Variants in RYR2 observed in about 807,000 individuals in gnomAD.
RYR2 encodes the protein cardiac muscle ryanodine receptor-calcium release channel.
RYR2 carries 227 observed loss-of-function variants against 601.1 expected under a neutral mutation model. That is an observed-to-expected ratio of 0.38 (90% CI 0.34 to 0.42). The LOEUF (loss-of-function observed/expected upper bound fraction) is 0.42. RYR2 is among the 10% of genes least tolerant of loss of function. The pLI is 1.00. For synonymous variants in RYR2, 2,223 were observed against 2,175.1 expected (o/e 1.02, Z -0.61); for missense variants, 4,646 against 6,156.5 (o/e 0.75, Z 8.21).
In RYR2 at chr1:237,542,921, A is replaced by AG. The variant is rs148112154; in HGVS notation, c.2907-5508dup. Among the ~76,000 whole-genome samples the AG allele has an allele frequency of 4.3e-3, 662 of 152,292 alleles. 14 individuals carry two copies. In the East Asian group the frequency reaches 0.079, roughly 18 times the overall value. ...TCTATCTGGTCCTCACTTGGGCAGA[A>AG]GGCTGGGGAGAACTTGCCTCCTCTG... is the stretch of plus-strand genomic sequence containing the variant. On this transcript the variant is annotated intron_variant, in intron 25 of 104. Transcript: ENST00000366574.
intron 24 of RYR2, among the ~76,000 whole-genome samples, chr1:237,512,221 T>C (rs999898325): frequency 1.3e-5 from 2 of 152,206 alleles, no homozygotes; most frequent in Non-Finnish European, 2.9e-5. Context: ...ATATTGAATC[T>C]AATGATTTAA....
chr1:237,646,720 T>C (rs1682199663), intron 48 of RYR2, among the ~76,000 whole-genome samples: 1 of 152,150 alleles, frequency 6.6e-6, no homozygotes, highest in Admixed American at 6.5e-5. Context: ...AACAAGCACA[T>C]AATCTTGCAG....
chr1:237,584,714 A>G (rs548091589), intron 29 of RYR2, among the ~76,000 whole-genome samples: 8 of 128,672 alleles, frequency 6.2e-5, no homozygotes, highest in African/African-American at 2.4e-4. Flanking sequence ...AGTCTAGAGT[A>G]GTGTGGAGTG....
chr1:237,593,556 G>T lies in RYR2; in HGVS notation c.4356G>T (p.Gln1452His). 1.2e-6 allele frequency: 2 copies of T among 1,613,906 alleles called. No homozygotes were observed. Among genetic ancestry groups the T allele is most frequent in the South Asian group, 2.2e-5 (2 of 91,076 alleles). The change falls in exon 33 of 105, where the codon CAG becomes CAT. Residue 1452 changes from glutamine (Q) to histidine (H), a missense_variant. Around this residue, in one of 17 missense-constraint regions of RYR2, gnomAD observed 1,807 missense variants for 2,088.1 expected, o/e 0.87. Coordinates refer to ENST00000366574, the MANE Select transcript of RYR2 (RefSeq NM_001035.3). ...GCTGGATTACATCAGATTTCCATCA[G>T]TATGACACAGGCTTTGACTTGGACA... ...WVGWITSDFH[Q>H]YDTGFDLDRV... is the part of the protein sequence containing the mutation.
At chr1:237,547,098 T>C (rs1669907117) in intron 25 of RYR2, among the ~76,000 whole-genome samples, 1 of 151,014 alleles carries the variant, frequency 6.6e-6, no homozygotes, top group Non-Finnish European at 1.5e-5. Flanking sequence ...CTCTGCCTCT[T>C]GGGTTTAAGC....
intron 1 of RYR2, among the ~76,000 whole-genome samples, chr1:237,162,693 G>A (rs941191502): frequency 6.6e-6 from 1 of 152,042 alleles, no homozygotes; most frequent in Non-Finnish European, 1.5e-5. Context: ...ATTTTGAGCT[G>A]GTTATTTTGA....
intron 16 of RYR2, among the ~76,000 whole-genome samples, chr1:237,467,175 ATATATAT>A (rs1375823626): frequency 6.8e-6 from 1 of 147,820 alleles, no homozygotes; most frequent in Non-Finnish European, 1.5e-5. Context: ...TATGATAATG[ATATATAT>A]TATATATATA....
chr1:237,786,391 C>G (rs1407017764), intron 91 of RYR2, among the ~76,000 whole-genome samples: 1 of 152,224 alleles, frequency 6.6e-6, no homozygotes, highest in African/African-American at 2.4e-5. Flanking sequence ...TCTTTCTGTC[C>G]TTTCCAAGAA....
At chr1:237,550,977 C>T (rs1670326487) in intron 27 of RYR2, among the ~76,000 whole-genome samples, 1 of 152,104 alleles carries the variant, frequency 6.6e-6, no homozygotes, top group African/African-American at 2.4e-5. Context: ...TGGGCTCCTC[C>T]CCTAGCCCAC....
intron 23 of RYR2, among the ~76,000 whole-genome samples, chr1:237,510,891 A>G (rs531380463): frequency 1.1e-4 from 17 of 152,374 alleles, no homozygotes; most frequent in African/African-American, 4.1e-4. Flanking sequence ...AAGAATTAAT[A>G]TAAAAACCAC....
intron 16 of RYR2, among the ~76,000 whole-genome samples, chr1:237,464,171 A>G (rs939026188): frequency 1.3e-5 from 2 of 152,258 alleles, no homozygotes; most frequent in South Asian, 2.1e-4. Context: ...AGATTTGCTC[A>G]TCTTGCTCCA....
rs749474378 is a variant in RYR2 at position 237,639,169 on chromosome 1, T to G, written c.7083T>G (p.Gly2361=). The change falls in exon 46 of 105, where the codon GGT becomes GGG. Residue 2361 remains glycine (G), a synonymous_variant. Transcript: ENST00000366574. ...IKIAEDPSRD[G]PSPNSGSSKT... ...TCGCCGAGGATCCTTCCCGAGATGG[T>G]CCCTCACCAAATAGCGGATCCAGTA... 6.2e-7 allele frequency: 1 copy of G among 1,613,588 alleles called. No homozygotes were observed. Among genetic ancestry groups the G allele is most frequent in the Non-Finnish European group, 8.5e-7 (1 of 1,179,650 alleles).
intron 1 of RYR2, among the ~76,000 whole-genome samples, chr1:237,107,827 C>T (rs1305521394): frequency 6.6e-6 from 1 of 152,192 alleles, no homozygotes; most frequent in African/African-American, 2.4e-5. Context: ...ACACGTGTGG[C>T]ATCCACCTCC....
intron 1 of RYR2, among the ~76,000 whole-genome samples, chr1:237,178,704 A>G (rs1678360605): frequency 6.6e-6 from 1 of 152,016 alleles, no homozygotes; most frequent in Non-Finnish European, 1.5e-5. Flanking sequence ...AGCTCCTTGG[A>G]CAGAGGTGGG....
At chr1:237,061,457 AC>A (rs754496393) in intron 1 of RYR2, among the ~76,000 whole-genome samples, 9 of 152,150 alleles carry the variant, frequency 5.9e-5, no homozygotes, top group Non-Finnish European at 1.2e-4. Context: ...AGCTAAGACT[AC>A]AAGTGTACAA....
At chr1:237,507,051 G>A (rs1408780077) in intron 23 of RYR2, among the ~76,000 whole-genome samples, 1 of 152,294 alleles carries the variant, frequency 6.6e-6, no homozygotes, top group Non-Finnish European at 1.5e-5. Context: ...ACAATGGAAA[G>A]TTATCAGTGT....
chr1:237,801,302 G>T (rs749610918), intron 97 of RYR2, among the ~76,000 whole-genome samples: 1 of 147,738 alleles, frequency 6.8e-6, no homozygotes, highest in Non-Finnish European at 1.5e-5. Context: ...AGGCCAAAGC[G>T]GACAGATCCC....
chr1:237,402,182 C>T (rs1319190075), intron 10 of RYR2, among the ~76,000 whole-genome samples: 1 of 151,352 alleles, frequency 6.6e-6, no homozygotes, highest in East Asian at 1.9e-4. Context: ...TCACTTGGGC[C>T]CAGGAGTTCG....
rs1223609812 is a variant in RYR2 at position 237,727,185 on chromosome 1, A to G, written c.10824A>G (p.Leu3608=). The G allele has an allele frequency of 1.3e-6, 2 of 1,542,970 alleles. No individual in the cohort carries two copies. The highest frequency in any genetic ancestry group is 2.8e-5 in the African/African-American group (2 of 72,722). Residue 3608 remains leucine, a synonymous_variant, in exon 76 of 105, where the codon TTA becomes TTG. Coordinates refer to ENST00000366574, the MANE Select transcript of RYR2 (RefSeq NM_001035.3). ...AVVACFRMAP[L]YNLPRHRAVN... Reference sequence around the variant, plus strand: ...TAGCCTGCTTCCGGATGGCCCCCTTATATAATCTGCCAAGGTCGGAATTAC... The same window carrying G: ...TAGCCTGCTTCCGGATGGCCCCCTTGTATAATCTGCCAAGGTCGGAATTAC...
Sources: gnomAD v4.1 joint callset for allele counts (sites outside exome capture counted in the v4.1 genomes callset) on GRCh38, gnomAD v4.1.1 for gene constraint, gnomAD v4.1.1 regional missense constraint, MANE v1.5 for transcripts, NCBI Gene and HGNC (gene_info 2026-07-23, HGNC 2026-07-21) for gene names.